The following ATG7 variants were observed in gnomAD, a reference collection of about 807,000 sequenced individuals.
The protein encoded by ATG7 is autophagy related 7.
In ATG7, 70 loss-of-function variants were observed where a neutral mutation model predicts 82.4. The observed-to-expected ratio is 0.85, with a 90% CI of 0.70 to 1.04. The LOEUF is 1.04. ATG7 is among the 50% of genes least tolerant of loss of function. The pLI, the probability that ATG7 is intolerant of heterozygous loss-of-function variation, is 0.00. For missense variants in ATG7, 792 were observed against 864.3 expected, an observed-to-expected ratio of 0.92 and a Z score of 1.05; for synonymous variants, 287 against 313.0, an observed-to-expected ratio of 0.92 and a Z score of 0.88.
rs2072275563 is a variant in ATG7, at chr3:11,555,077, C to T, written c.*234C>T. On this transcript the variant is annotated 3_prime_UTR_variant, in exon 21 of 21. Coordinates refer to ENST00000693202, the MANE Select transcript of ATG7 (RefSeq NM_001349232.2). ...ACCTTGGCCTTGGCCTTGCTATTGA[C>T]CTGGGACTTGGTCCTCCATGCAGTT... The T allele has an allele frequency of 3.7e-6, 2 of 537,774 alleles. No homozygotes were observed. The highest frequency in any genetic ancestry group is 3.6e-5 in the Admixed American group (1 of 27,442). The allele number at this position is 537,774 out of a possible 1,614,324, so 33.3% of individuals were successfully genotyped here. A position where few individuals can be genotyped will look rare whatever the true frequency, so the allele number is the denominator to read the frequency against.
At chr3:11,416,036 G>A (rs1190953759) in intron 19 of ATG7, among the ~76,000 whole-genome samples, 1 of 152,066 alleles carries the variant, frequency 6.6e-6, no homozygotes, top group Admixed American at 6.6e-5. Flanking sequence ...ATAATCTGTG[G>A]GACCACCCAT....
chr3:11,418,631 C>A (rs968218618), intron 19 of ATG7, among the ~76,000 whole-genome samples: 1 of 152,128 alleles, frequency 6.6e-6, no homozygotes, highest in Admixed American at 6.6e-5. Context: ...TGCCCCTCTC[C>A]CAGTTTCTGT....
At chr3:11,498,097 ACT>A (rs2090998524) in intron 20 of ATG7, among the ~76,000 whole-genome samples, 1 of 152,080 alleles carries the variant, frequency 6.6e-6, no homozygotes, top group Admixed American at 6.5e-5. Flanking sequence ...TTAAATCCTG[ACT>A]CTCAATCCAG....
At chr3:11,357,170 A>G (rs1042471434) in intron 14 of ATG7, among the ~76,000 whole-genome samples, 2 of 152,152 alleles carry the variant, frequency 1.3e-5, no homozygotes, top group Non-Finnish European at 2.9e-5. Flanking sequence ...ACACTTCCCT[A>G]TGGCCAGTGA....
chr3:11,525,344 A>AT (rs1184782706), intron 20 of ATG7, among the ~76,000 whole-genome samples: 1 of 151,242 alleles, frequency 6.6e-6, no homozygotes, highest in Non-Finnish European at 1.5e-5. Context: ...GAAAGTAGAA[A>AT]TTATTTATTT....
chr3:11,366,176 G>T lies in ATG7; in HGVS notation c.1875+1442G>T, dbSNP rs1041361194. 3.5e-5 allele frequency among the ~76,000 whole-genome samples: 5 copies of T among 143,568 alleles called. No homozygotes were observed. In the East Asian group the frequency reaches 6.1e-4, roughly 17 times the overall value. The allele number at this position is 143,568 out of a possible 152,430, so 94.2% of individuals were successfully genotyped here. Reference sequence around the variant, plus strand: ...GAGGGTTGCAGTGAGCTAAGATCGCGCCATTGCACTGTGGCCTGGGCGACA... The same window carrying T: ...GAGGGTTGCAGTGAGCTAAGATCGCTCCATTGCACTGTGGCCTGGGCGACA... On this transcript the variant is annotated intron_variant, in intron 18 of 20. Transcript: ENST00000693202.
chr3:11,314,977 T>C (rs1949186757), intron 8 of ATG7, among the ~76,000 whole-genome samples: 1 of 152,118 alleles, frequency 6.6e-6, no homozygotes, highest in African/African-American at 2.4e-5. Flanking sequence ...TCAGTAAAGC[T>C]GTTGAAGATT....
chr3:11,277,886 T>C (rs1484860587), intron 1 of ATG7, among the ~76,000 whole-genome samples: 1 of 108,434 alleles, frequency 9.2e-6, no homozygotes, highest in African/African-American at 4.0e-5. Flanking sequence ...AGCGGCCCTT[T>C]ATAGACCCCC....
chr3:11,435,262 T>C (rs1359799637), intron 20 of ATG7, among the ~76,000 whole-genome samples: 1 of 152,200 alleles, frequency 6.6e-6, no homozygotes, highest in African/African-American at 2.4e-5. Flanking sequence ...AGAACATTGC[T>C]TATACTTTGT....
At chr3:11,575,126 C>T in the ATG7 span, among the ~76,000 whole-genome samples, 3 of 152,194 alleles carry the variant, frequency 2.0e-5, no homozygotes, top group Non-Finnish European at 4.4e-5. Flanking sequence ...CTGCCTGGGG[C>T]CATGTGGCTG....
intron 20 of ATG7, among the ~76,000 whole-genome samples, chr3:11,485,886 G>T (rs2089572332): frequency 1.3e-5 from 2 of 151,968 alleles, no homozygotes; most frequent in South Asian, 4.1e-4. Context: ...GCTCTGTTCT[G>T]TTCCATTGAT....
chr3:11,402,552 C>G (rs1450894466), intron 19 of ATG7, among the ~76,000 whole-genome samples: 1 of 152,190 alleles, frequency 6.6e-6, no homozygotes, highest in Non-Finnish European at 1.5e-5. Flanking sequence ...TGGATTTGAC[C>G]TAGGTTTCAC....
intron 20 of ATG7, among the ~76,000 whole-genome samples, chr3:11,466,906 G>A (rs34809505): frequency 0.013 from 2,018 of 152,284 alleles, 23 homozygotes; most frequent in Non-Finnish European, 0.021. Flanking sequence ...GAGGCGGGCA[G>A]ATCACCTGAG....
intron 9 of ATG7, among the ~76,000 whole-genome samples, chr3:11,329,695 A>G (rs551306215): frequency 6.6e-6 from 1 of 152,366 alleles, no homozygotes; most frequent in East Asian, 1.9e-4. Context: ...ATAGTGGCAA[A>G]GACAGTACAG....
chr3:11,291,548 G>A (rs942419272), intron 3 of ATG7, among the ~76,000 whole-genome samples: 1 of 152,092 alleles, frequency 6.6e-6, no homozygotes, highest in African/African-American at 2.4e-5. Flanking sequence ...AGTAAAGTAG[G>A]CATAATCTTA....
chr3:11,359,586 C>T (rs2076156601), intron 15 of ATG7, among the ~76,000 whole-genome samples: 1 of 151,976 alleles, frequency 6.6e-6, no homozygotes, highest in African/African-American at 2.4e-5. Flanking sequence ...CTCCCAGCTA[C>T]TCAGGAGGGT....
chr3:11,275,647 C>T (rs1045443668), intron 1 of ATG7, among the ~76,000 whole-genome samples: 6 of 151,924 alleles, frequency 3.9e-5, no homozygotes, highest in South Asian at 4.2e-4. Context: ...CGTGAGCCAC[C>T]GCTTCCTCTC....
chr3:11,548,465 G>C (rs770610005), intron 20 of ATG7, among the ~76,000 whole-genome samples: 8 of 152,106 alleles, frequency 5.3e-5, no homozygotes, highest in Non-Finnish European at 8.8e-5. Flanking sequence ...AAATATATAA[G>C]ATATATGATT....
intron 20 of ATG7, among the ~76,000 whole-genome samples, chr3:11,504,154 G>A (rs1219880789): frequency 2.0e-5 from 3 of 152,086 alleles, no homozygotes; most frequent in African/African-American, 7.2e-5. Context: ...AGTCGAGAGG[G>A]GGAAAAAAGT....
Sources: allele counts gnomAD v4.1 joint callset (sites outside exome capture counted in the v4.1 genomes callset), GRCh38; gene constraint gnomAD v4.1.1; transcripts MANE v1.5; gene names NCBI Gene and HGNC (gene_info 2026-07-23, HGNC 2026-07-21).